Variants in NAT10 observed in about 807,000 individuals in gnomAD.
NAT10 encodes the protein N-acetyltransferase 10, also known as RNA cytidine acetyltransferase.
A neutral mutation model predicts 132.2 loss-of-function variants in NAT10; 109 were observed. The ratio of observed to expected loss-of-function variants is 0.82; its 90% CI spans 0.71 to 0.97. NAT10 has a LOEUF of 0.97. Ranked by LOEUF, NAT10 falls within the 50% of genes least tolerant of loss-of-function variation. The pLI, the probability that NAT10 is intolerant of heterozygous loss-of-function variation, is 0.00. For missense variants in NAT10, 1,184 were observed against 1,263.4 expected, an observed-to-expected ratio of 0.94 and a Z score of 0.95; for synonymous variants, 479 against 478.0, an observed-to-expected ratio of 1.00 and a Z score of -0.03.
intron 28 of NAT10, 38 bp downstream of exon 28, chr11:34,143,566 G>A: frequency 6.3e-7 from 1 of 1,576,970 alleles, no homozygotes; most frequent in Non-Finnish European, 8.7e-7. Flanking sequence ...TGGCGGAAGA[G>A]GCATTCTGGC....
At chr11:34,140,612 T>G in intron 24 of NAT10, 40 bp downstream of exon 24, 1 of 1,592,888 alleles carries the variant, frequency 6.3e-7, no homozygotes, top group Non-Finnish European at 8.6e-7. Context: ...AAGCGAGGAT[T>G]GTGGAGCTGT....
intron 23 of NAT10, among the ~76,000 whole-genome samples, chr11:34,139,778 G>A (rs1852287549): frequency 6.6e-6 from 1 of 152,180 alleles, no homozygotes; most frequent in Non-Finnish European, 1.5e-5. Context: ...TGCTCTAGGG[G>A]AGTGAGGTGC....
intron 27 of NAT10, 81 bp from the exon 28 acceptor site, chr11:34,143,364 A>G (rs773255219): frequency 4.9e-6 from 6 of 1,225,484 alleles, no homozygotes; most frequent in African/African-American, 1.5e-5. Flanking sequence ...TCTGATAAGA[A>G]TGTTGTCACT....
chr11:34,139,980 A>G (rs1852290801), intron 23 of NAT10, among the ~76,000 whole-genome samples: 1 of 152,244 alleles, frequency 6.6e-6, no homozygotes, highest in African/African-American at 2.4e-5. Flanking sequence ...GCATGCATAT[A>G]TGTGTATATG....
intron 1 of NAT10, among the ~76,000 whole-genome samples, chr11:34,106,484 A>G (rs73501059): frequency 0.085 from 12,903 of 151,464 alleles, 569 homozygotes; most frequent in African/African-American, 0.092. Context: ...TCTCTTAAAT[A>G]CCTTCTTCAA....
At position 34,122,587 on chromosome 11, in the gene NAT10, A is replaced by G. The variant is rs746779535; in HGVS notation, c.909A>G (p.Ala303=). 11 of 1,613,892 alleles carry G rather than the reference A, an allele frequency of 6.8e-6. No individual in the cohort carries two copies. Among genetic ancestry groups the G allele is most frequent in the African/African-American group, 1.3e-5 (1 of 74,934 alleles). The change falls in exon 9 of 29, where the codon GCA becomes GCG. Residue 303 remains alanine (A), a synonymous_variant. Transcript: ENST00000257829. The part of the protein sequence containing the change: ...ALGLAIAGAV[A]FGYSNIFVTS... ...GATTGGCGATTGCTGGGGCGGTGGCATTTGGGTAAGGGGATTCAGTCCCCC... is the reference window on the plus strand; with the variant it reads ...GATTGGCGATTGCTGGGGCGGTGGCGTTTGGGTAAGGGGATTCAGTCCCCC...
At chr11:34,139,543 G>A (rs1205113555) in intron 23 of NAT10, 48 bp downstream of exon 23, 1 of 1,514,148 alleles carries the variant, frequency 6.6e-7, no homozygotes, top group Admixed American at 1.7e-5. Context: ...GCTTGGCTGT[G>A]TGGGAGGTGG....
intron 11 of NAT10, among the ~76,000 whole-genome samples, chr11:34,126,107 A>T (rs780350577): frequency 1.3e-5 from 2 of 152,250 alleles, no homozygotes; most frequent in Non-Finnish European, 2.9e-5. Flanking sequence ...CCAATATAAC[A>T]TTCAGGCACC....
chr11:34,143,167 G>C (rs1392282946), intron 27 of NAT10, among the ~76,000 whole-genome samples: 1 of 152,168 alleles, frequency 6.6e-6, no homozygotes, highest in East Asian at 1.9e-4. Context: ...AGCCAGGCAG[G>C]CTGCCTTCTG....
At position 34,112,037 on chromosome 11, in the gene NAT10, G is replaced by A; in HGVS notation, c.201-15G>A. On this transcript the variant is annotated splice_polypyrimidine_tract_variant and intron_variant, in intron 3 of 28. Transcript: ENST00000257829. ...GTTAACTGGCTCTCATGGGATTGGG[G>A]GTGTGTGATTGCAGTCACCGGAAGA... 6.2e-7 allele frequency: 1 copy of A among 1,613,884 alleles called. No homozygotes were observed. Among genetic ancestry groups the A allele is most frequent in the Non-Finnish European group, 8.5e-7 (1 of 1,179,858 alleles).
Position 34,118,354 on chromosome 11 carries a change from C to T in NAT10, c.673-42C>T, listed in dbSNP as rs763602602. The T allele has an allele frequency of 6.8e-6, 11 of 1,610,574 alleles. No homozygotes were observed. In the Admixed American group the frequency reaches 1.0e-4, roughly 15 times the overall value. On this transcript the variant is annotated intron_variant, in intron 7 of 28. Coordinates refer to ENST00000257829, the MANE Select transcript of NAT10 (RefSeq NM_024662.3). ...GGCTACGTTTTCTGTGTTGTTCCTC[C>T]TGTGACAGTGACAGACCTTCCCCTT... is the stretch of plus-strand genomic sequence containing the variant.
In NAT10 at chr11:34,122,514, C is replaced by T. The variant is rs760650469; in HGVS notation, c.836C>T (p.Thr279Ile). The change falls in exon 9 of 29, where the codon ACT (threonine) becomes ATT (isoleucine). Residue 279 changes from threonine to isoleucine, a missense_variant. Transcript: ENST00000257829. ...EGISEKTLRS[T>I]VALTAARGRG... ...ATCTCTGAAAAGACCCTGAGGAGTA[C>T]TGTTGCACTCACAGCTGCTCGAGGA... The T allele has an allele frequency of 6.2e-7, 1 of 1,614,196 alleles. No homozygotes were observed. Among genetic ancestry groups the T allele is most frequent in the South Asian group, 1.1e-5 (1 of 91,084 alleles).
chr11:34,142,211 CT>C, intron 26 of NAT10, 63 bp from the exon 27 acceptor site: 1 of 1,503,816 alleles, frequency 6.6e-7, no homozygotes, highest in Non-Finnish European at 9.2e-7. Flanking sequence ...CCAGCTTCAC[CT>C]TTTCCTGTGT....
At chr11:34,118,143 C>T in intron 6 of NAT10, 37 bp from the exon 7 acceptor site, 1 of 1,510,608 alleles carries the variant, frequency 6.6e-7, no homozygotes, top group Non-Finnish European at 9.2e-7. Context: ...ATTGCATGCC[C>T]TCCCCAACAC....
intron 28 of NAT10, among the ~76,000 whole-genome samples, chr11:34,145,523 T>C (rs1455389977): frequency 1.3e-5 from 2 of 152,228 alleles, no homozygotes. Context: ...TATGCCAGGA[T>C]ATCAATGAAG....
chr11:34,143,636 GA>G, intron 28 of NAT10, 108 bp downstream of exon 28: 1 of 1,019,254 alleles, frequency 9.8e-7, no homozygotes, highest in Non-Finnish European at 1.4e-6. Flanking sequence ...AGCTTTGACA[GA>G]AAAGTCATGG....
At chr11:34,125,461 T>C (rs1851970673) in intron 11 of NAT10, among the ~76,000 whole-genome samples, 1 of 152,142 alleles carries the variant, frequency 6.6e-6, no homozygotes, top group South Asian at 2.1e-4. Context: ...ACAGAGGAGG[T>C]GACCTTACTT....
intron 19 of NAT10, among the ~76,000 whole-genome samples, chr11:34,136,241 C>A (rs1852209734): frequency 6.6e-6 from 1 of 152,060 alleles, no homozygotes; most frequent in Admixed American, 6.5e-5. Context: ...ACCACCGTGC[C>A]TAGCTAATTT....
chr11:34,111,222 A>G, intron 3 of NAT10, among the ~76,000 whole-genome samples: 1 of 152,184 alleles, frequency 6.6e-6, no homozygotes, highest in Non-Finnish European at 1.5e-5. Context: ...AGTCTGGCAG[A>G]GCATTGTGTT....
Sources: gnomAD v4.1 joint callset for allele counts (sites outside exome capture counted in the v4.1 genomes callset) on GRCh38, gnomAD v4.1.1 for gene constraint, MANE v1.5 for transcripts, NCBI Gene and HGNC (gene_info 2026-07-23, HGNC 2026-07-21) for gene names.